Variants in KLRG1 observed in about 807,000 individuals in gnomAD.
KLRG1 encodes killer cell lectin like receptor G1, also known as killer cell lectin-like receptor subfamily G member 1.
In KLRG1, 16 loss-of-function variants were observed where a neutral mutation model predicts 21.8. The observed-to-expected ratio is 0.73, with a 90% CI of 0.50 to 1.11. The LOEUF (loss-of-function observed/expected upper bound fraction) is 1.11, where lower values mean the gene tolerates loss of function less well. Ranked by LOEUF, KLRG1 falls within the 50% of genes most tolerant of loss-of-function variation. The pLI is 0.00. For synonymous variants in KLRG1, 69 were observed against 75.9 expected (o/e 0.91, Z 0.47); for missense variants, 173 against 218.3 (o/e 0.79, Z 1.31).
chr12:9,022,306 T>C, the KLRG1 span, among the ~76,000 whole-genome samples: 6 of 152,326 alleles, frequency 3.9e-5, no homozygotes, highest in African/African-American at 1.4e-4. Context: ...GTTTGTGCAG[T>C]GTCTTGAGCT....
At chr12:9,152,672 C>T in the KLRG1 span, 23 of 773,214 alleles carry the variant, frequency 3.0e-5, no homozygotes, top group Admixed American at 2.8e-4. Flanking sequence ...GAAAGGATCA[C>T]GTCATAATGA....
At chr12:8,979,657 T>C (rs1170565303) in intron 1 of KLRG1, among the ~76,000 whole-genome samples, 1 of 152,158 alleles carries the variant, frequency 6.6e-6, no homozygotes, top group Non-Finnish European at 1.5e-5. Context: ...TGTTTTCTGC[T>C]TCTTTCTCTA....
At chr12:9,160,269 AG>A in the KLRG1 span, 3 of 1,527,798 alleles carry the variant, frequency 2.0e-6, no homozygotes, top group Non-Finnish European at 2.7e-6. Flanking sequence ...AATTGGGAAA[AG>A]TTTCATTAGA....
chr12:8,967,283 T>A (rs1946491402), intron 1 of KLRG1, among the ~76,000 whole-genome samples: 1 of 151,964 alleles, frequency 6.6e-6, no homozygotes, highest in African/African-American at 2.4e-5. Flanking sequence ...CATGTATACA[T>A]ATGTAACAAA....
the KLRG1 span, among the ~76,000 whole-genome samples, chr12:9,212,377 T>C: frequency 6.6e-6 from 1 of 152,244 alleles, no homozygotes; most frequent in Non-Finnish European, 1.5e-5. Flanking sequence ...AAGACTGCTC[T>C]TAGACTGCAT....
chr12:9,210,790 TC>T, the KLRG1 span, among the ~76,000 whole-genome samples: 1 of 152,188 alleles, frequency 6.6e-6, no homozygotes, highest in African/African-American at 2.4e-5. Context: ...TAAAACATCC[TC>T]CCATGTTTAT....
the KLRG1 span, chr12:9,113,417 C>T: frequency 9.9e-6 from 16 of 1,613,612 alleles, no homozygotes; most frequent in African/African-American, 2.7e-5. Context: ...TGAAGAGGCT[C>T]CTGTTTCCCC....
chr12:9,104,269 G>A, the KLRG1 span: 1 of 1,612,840 alleles, frequency 6.2e-7, no homozygotes, highest in East Asian at 2.2e-5. Context: ...CCATAACATT[G>A]GTGGTGTTGA....
chr12:8,981,367 AT>A (rs1231186940), intron 1 of KLRG1, among the ~76,000 whole-genome samples: 2 of 151,084 alleles, frequency 1.3e-5, no homozygotes, highest in Non-Finnish European at 3.0e-5. Flanking sequence ...TTATTTATTA[AT>A]TTTTTTCTTT....
the KLRG1 span, chr12:9,110,343 C>G: frequency 7.1e-7 from 1 of 1,410,484 alleles, no homozygotes; most frequent in East Asian, 2.6e-5. Context: ...ATCTGAAAGA[C>G]AAAAGAAAAA....
intron 1 of KLRG1, among the ~76,000 whole-genome samples, chr12:8,979,326 A>G (rs1333168426): frequency 6.6e-6 from 1 of 152,100 alleles, no homozygotes; most frequent in Non-Finnish European, 1.5e-5. Context: ...CCTGTCCTTC[A>G]TTTTTAAAAG....
At chr12:9,051,309 G>A in the KLRG1 span, among the ~76,000 whole-genome samples, 1 of 152,168 alleles carries the variant, frequency 6.6e-6, no homozygotes, top group Non-Finnish European at 1.5e-5. Flanking sequence ...CAAGAGGCCA[G>A]CTGCAGAGAG....
chr12:9,185,997 G>A, the KLRG1 span, among the ~76,000 whole-genome samples: 3 of 151,662 alleles, frequency 2.0e-5, no homozygotes, highest in Non-Finnish European at 4.4e-5. Flanking sequence ...TAGTAGAGAT[G>A]GGGTTTCACC....
chr12:8,979,061 C>G (rs1273127624), intron 1 of KLRG1, among the ~76,000 whole-genome samples: 1 of 146,482 alleles, frequency 6.8e-6, no homozygotes, highest in Non-Finnish European at 1.5e-5. Flanking sequence ...GTCACCCAGA[C>G]TGGAGTGCAA....
intron 1 of KLRG1, among the ~76,000 whole-genome samples, chr12:8,990,975 CTATT>C (rs1213442685): frequency 2.0e-5 from 3 of 152,072 alleles, no homozygotes; most frequent in Non-Finnish European, 4.4e-5. Flanking sequence ...GCAGAATTCT[CTATT>C]TATGAAGGCA....
At chr12:9,081,686 TC>T in the KLRG1 span, among the ~76,000 whole-genome samples, 1 of 152,146 alleles carries the variant, frequency 6.6e-6, no homozygotes, top group Admixed American at 6.5e-5. Context: ...AGAGAGGAGT[TC>T]CCTGGGGTCA....
upstream of KLRG1, among the ~76,000 whole-genome samples, chr12:8,989,017 G>T (rs1276368144): frequency 6.6e-6 from 1 of 152,130 alleles, no homozygotes; most frequent in Non-Finnish European, 1.5e-5. Context: ...ACAACAAAGA[G>T]AAAAAATATA....
intron 4 of KLRG1, 118 bp from the exon 5 acceptor site, chr12:9,009,308 G>A: frequency 7.8e-7 from 1 of 1,280,100 alleles, no homozygotes; most frequent in South Asian, 1.5e-5. Flanking sequence ...CTGCTGTTTG[G>A]GGGAATTAGG....
At chr12:9,068,209 G>A in the KLRG1 span, 2 of 1,609,668 alleles carry the variant, frequency 1.2e-6, no homozygotes, top group Non-Finnish European at 1.7e-6. Context: ...ATTGTACTCA[G>A]CAATTGCAAA....
Sources: gnomAD v4.1 joint callset for allele counts (sites outside exome capture counted in the v4.1 genomes callset) on GRCh38, gnomAD v4.1.1 for gene constraint, MANE v1.5 for transcripts, NCBI Gene and HGNC (gene_info 2026-07-23, HGNC 2026-07-21) for gene names.